ROBO2: variants seen among roughly 807,000 people sequenced by gnomAD.
ROBO2 encodes the protein roundabout homolog 2.
ROBO2 carries 53 observed loss-of-function variants against 160.8 expected under a neutral mutation model. The ratio of observed to expected loss-of-function variants is 0.33; its 90% confidence interval spans 0.26 to 0.41. ROBO2 has a LOEUF of 0.41. Among genes scored for constraint, ROBO2 ranks in the 10% least tolerant of loss-of-function variants. The pLI, the probability that ROBO2 is intolerant of heterozygous loss-of-function variation, is 1.00. For missense variants in ROBO2, 1,577 were observed against 1,722.4 expected (o/e 0.92, Z 1.49); for synonymous variants, 664 against 611.7 (o/e 1.09, Z -1.26).
At chr3:76,851,800 T>C (rs74281671) in intron 2 of ROBO2, among the ~76,000 whole-genome samples, 16,780 of 146,826 alleles carry the variant, frequency 0.11, 1,155 homozygotes, top group East Asian at 0.23. Context: ...TAATATTAAG[T>C]GAATATTTCA....
At chr3:76,481,289 G>T (rs1037944863) in intron 2 of ROBO2, among the ~76,000 whole-genome samples, 1 of 152,084 alleles carries the variant, frequency 6.6e-6, no homozygotes, top group Non-Finnish European at 1.5e-5. Context: ...AATGGAAATT[G>T]TAATTGCGGG....
chr3:77,530,707 C>T (rs2091640914), intron 6 of ROBO2, among the ~76,000 whole-genome samples: 1 of 152,006 alleles, frequency 6.6e-6, no homozygotes, highest in African/African-American at 2.4e-5. Flanking sequence ...GCAACTATCA[C>T]TTTAATAATT....
chr3:77,324,288 T>C (rs2065127021), intron 2 of ROBO2, among the ~76,000 whole-genome samples: 1 of 152,180 alleles, frequency 6.6e-6, no homozygotes, highest in Non-Finnish European at 1.5e-5. Flanking sequence ...TGTACAGCAC[T>C]GTGAGAATGA....
chr3:77,447,752 AG>A (rs1475466571), intron 2 of ROBO2, among the ~76,000 whole-genome samples: 2 of 152,162 alleles, frequency 1.3e-5, no homozygotes, highest in East Asian at 3.9e-4. Flanking sequence ...CTAATTAAAA[AG>A]TTCTAGTGCA....
At chr3:77,547,399 A>G (rs2092739011) in intron 7 of ROBO2, among the ~76,000 whole-genome samples, 1 of 152,070 alleles carries the variant, frequency 6.6e-6, no homozygotes, top group South Asian at 2.1e-4. Flanking sequence ...TTATTACTAC[A>G]TGTTCCAGAA....
intron 2 of ROBO2, among the ~76,000 whole-genome samples, chr3:76,429,253 G>A (rs2076342485): frequency 6.6e-6 from 1 of 151,860 alleles, no homozygotes; most frequent in Admixed American, 6.6e-5. Context: ...CTATGTCCAA[G>A]GTCTAGACCT....
intron 2 of ROBO2, among the ~76,000 whole-genome samples, chr3:76,421,083 A>C (rs1452783808): frequency 6.6e-6 from 1 of 152,216 alleles, no homozygotes; most frequent in African/African-American, 2.4e-5. Flanking sequence ...AGGTCAAAAC[A>C]TCTGTTAAAT....
exon 26 of ROBO2, chr3:77,647,206 A>G (rs2095418362): frequency 6.6e-6 from 1 of 152,412 alleles, no homozygotes; most frequent in Non-Finnish European, 1.5e-5. Flanking sequence ...ACTTAAATTC[A>G]TGACTTAAAA....
chr3:76,062,242 A>C (rs930666396), intron 2 of ROBO2, among the ~76,000 whole-genome samples: 3 of 152,202 alleles, frequency 2.0e-5, no homozygotes, highest in Admixed American at 6.5e-5. Flanking sequence ...TTTGGGTGCA[A>C]CAGTAAAATT....
intron 2 of ROBO2, among the ~76,000 whole-genome samples, chr3:76,256,287 G>A (rs2107574579): frequency 1.3e-5 from 2 of 149,812 alleles, no homozygotes; most frequent in South Asian, 4.3e-4. Flanking sequence ...TGCAGCCTGG[G>A]TGACAGAGTG....
At chr3:77,010,627 C>T (rs746023359) in intron 2 of ROBO2, among the ~76,000 whole-genome samples, 9 of 152,084 alleles carry the variant, frequency 5.9e-5, no homozygotes, top group Non-Finnish European at 1.3e-4. Context: ...CCGTGGTGTT[C>T]CTTCTTCCTC....
At chr3:76,180,849 G>C (rs1701469178) in intron 2 of ROBO2, among the ~76,000 whole-genome samples, 1 of 151,982 alleles carries the variant, frequency 6.6e-6, no homozygotes, top group South Asian at 2.1e-4. Context: ...CATCCTACAA[G>C]GCCCTGAATT....
intron 5 of ROBO2, among the ~76,000 whole-genome samples, chr3:77,503,196 C>A (rs1288654040): frequency 1.3e-5 from 2 of 151,342 alleles, no homozygotes; most frequent in East Asian, 3.9e-4. Flanking sequence ...TACTATGTAC[C>A]CACAAAAAAT....
At chr3:76,062,195 C>T (rs1213151293) in intron 2 of ROBO2, among the ~76,000 whole-genome samples, 2 of 152,052 alleles carry the variant, frequency 1.3e-5, no homozygotes, top group African/African-American at 4.8e-5. Flanking sequence ...AAAATGGAGC[C>T]GACTTTTAAA....
At chr3:76,523,609 C>T (rs2081763453) in intron 2 of ROBO2, among the ~76,000 whole-genome samples, 1 of 152,104 alleles carries the variant, frequency 6.6e-6, no homozygotes, top group Non-Finnish European at 1.5e-5. Context: ...CTCTCCAACA[C>T]ACCAGATGTA....
chr3:77,482,125 G>C (rs1223168407), intron 4 of ROBO2, among the ~76,000 whole-genome samples: 1 of 151,992 alleles, frequency 6.6e-6, no homozygotes, highest in African/African-American at 2.4e-5. Flanking sequence ...ATGTACATGT[G>C]TATATATACA....
intron 20 of ROBO2, among the ~76,000 whole-genome samples, chr3:77,605,422 TACCATTGCTCACTGCTAAA>T (rs2094507512): frequency 6.6e-6 from 1 of 152,106 alleles, no homozygotes. Context: ...GCTATGAACC[TACCATTGCTCACTGCTAAA>T]AGAAGTCAGG....
At chr3:77,571,004 A>T (rs2093624528) in intron 13 of ROBO2, among the ~76,000 whole-genome samples, 1 of 152,046 alleles carries the variant, frequency 6.6e-6, no homozygotes, top group Non-Finnish European at 1.5e-5. Context: ...GGCAAAAATG[A>T]TAAGAAACCT....
intron 2 of ROBO2, among the ~76,000 whole-genome samples, chr3:76,061,259 T>G (rs1273962690): frequency 6.6e-6 from 1 of 152,208 alleles, no homozygotes; most frequent in African/African-American, 2.4e-5. Flanking sequence ...AAGTGCATGC[T>G]TCCTTTGAAC....
Sources: gnomAD v4.1 joint callset for allele counts (sites outside exome capture counted in the v4.1 genomes callset) on GRCh38, gnomAD v4.1.1 for gene constraint, MANE v1.5 for transcripts, NCBI Gene and HGNC (gene_info 2026-07-23, HGNC 2026-07-21) for gene names.